The following AACS variants were observed in gnomAD, a reference collection of about 807,000 sequenced individuals.
The protein encoded by AACS is acetoacetate-CoA ligase.
Under a neutral mutation model 83.1 loss-of-function variants are expected in AACS, and 69 were observed. That is an observed-to-expected ratio of 0.83 (90% CI 0.68 to 1.01). The LOEUF (loss-of-function observed/expected upper bound fraction) is 1.01, where lower values mean the gene tolerates loss of function less well. Among genes scored for constraint, AACS ranks in the 50% least tolerant of loss-of-function variants. The probability of loss-of-function intolerance (pLI) is 0.00; values close to 1 mark genes in which losing one functional copy is unlikely to be tolerated. For missense variants in AACS, 866 were observed against 882.2 expected, an observed-to-expected ratio of 0.98 and a Z score of 0.23; for synonymous variants, 333 against 343.4, an observed-to-expected ratio of 0.97 and a Z score of 0.33.
chr12:125,071,121 G>C (rs1184680667), intron 1 of AACS, among the ~76,000 whole-genome samples: 2 of 152,228 alleles, frequency 1.3e-5, no homozygotes, highest in Admixed American at 1.3e-4. Flanking sequence ...TCACATGGCG[G>C]TAAGTTAGTG....
chr12:125,079,825 G>A (rs1289986389), intron 3 of AACS, among the ~76,000 whole-genome samples: 2 of 151,992 alleles, frequency 1.3e-5, no homozygotes, highest in East Asian at 3.9e-4. Flanking sequence ...TCCATTTTCC[G>A]AAAGGAAACC....
In AACS at chr12:125,124,968, G is replaced by T; in HGVS notation, c.1253G>T (p.Ser418Ile). 2 of 1,614,210 alleles carry T rather than the reference G, an allele frequency of 1.2e-6. No homozygotes were observed. Among genetic ancestry groups the T allele is most frequent in the Non-Finnish European group, 1.7e-6 (2 of 1,180,040 alleles). ...ACTGGCTCCCCACTGAAAGCCCAGAGCTACGAGTATGTCTACAGGTGCATC... is the reference window on the plus strand; with the variant it reads ...ACTGGCTCCCCACTGAAAGCCCAGATCTACGAGTATGTCTACAGGTGCATC... The part of the protein sequence containing the change: ...LSTGSPLKAQ[S>I]YEYVYRCIKS... Residue 418 changes from serine (S) to isoleucine (I), a missense_variant, in exon 12 of 18, where the codon AGC becomes ATC. Coordinates refer to ENST00000316519, the MANE Select transcript of AACS (RefSeq NM_023928.5).
At chr12:125,100,217 G>C (rs1408360633) in intron 5 of AACS, among the ~76,000 whole-genome samples, 2 of 152,176 alleles carry the variant, frequency 1.3e-5, no homozygotes, top group Admixed American at 1.3e-4. Flanking sequence ...GTCTCCCAAA[G>C]TGTTGGGATT....
intron 1 of AACS, among the ~76,000 whole-genome samples, chr12:125,068,660 C>T (rs1955771162): frequency 6.6e-6 from 1 of 152,036 alleles, no homozygotes; most frequent in Admixed American, 6.6e-5. Flanking sequence ...AGGTGATTTC[C>T]ACCTGACTCT....
At chr12:125,077,285 C>T (rs145523083) in intron 3 of AACS, among the ~76,000 whole-genome samples, 1,909 of 151,768 alleles carry the variant, frequency 0.013, 33 homozygotes, top group African/African-American at 0.041. Context: ...CCAAGGTGGG[C>T]GGATCACGAG....
intron 9 of AACS, chr12:125,118,288 G>A (rs1461054239): frequency 7.4e-6 from 2 of 269,898 alleles, no homozygotes; most frequent in African/African-American, 2.3e-5. Flanking sequence ...GTCAGGTGCT[G>A]TTCAGAACGC....
chr12:125,066,966 C>T (rs904255478), intron 1 of AACS, among the ~76,000 whole-genome samples: 2 of 152,226 alleles, frequency 1.3e-5, no homozygotes, highest in African/African-American at 4.8e-5. Context: ...CTCCTTTCCT[C>T]CTCACCAAAC....
chr12:125,100,427 A>G (rs1417582390), intron 5 of AACS, among the ~76,000 whole-genome samples: 1 of 152,198 alleles, frequency 6.6e-6, no homozygotes, highest in Non-Finnish European at 1.5e-5. Context: ...AACATTTGCA[A>G]TTGTTTTCCT....
At chr12:125,132,743 G>A (rs1168632788) in intron 14 of AACS, among the ~76,000 whole-genome samples, 2 of 152,168 alleles carry the variant, frequency 1.3e-5, no homozygotes, top group East Asian at 3.8e-4. Context: ...ATTCTCTTCA[G>A]CTGCCTCCCA....
At chr12:125,119,402 G>A (rs74684572) in intron 10 of AACS, among the ~76,000 whole-genome samples, 3 of 152,156 alleles carry the variant, frequency 2.0e-5, no homozygotes, top group African/African-American at 4.8e-5. Context: ...GAGTGAGATT[G>A]TATTCATCCA....
intron 1 of AACS, among the ~76,000 whole-genome samples, chr12:125,072,671 C>T (rs1955902116): frequency 6.6e-6 from 1 of 152,190 alleles, no homozygotes; most frequent in Non-Finnish European, 1.5e-5. Flanking sequence ...GGCCAATCCA[C>T]TTGGATCCTA....
intron 3 of AACS, 83 bp downstream of exon 3, chr12:125,076,694 A>C: frequency 6.4e-7 from 1 of 1,566,318 alleles, no homozygotes; most frequent in South Asian, 1.2e-5. Flanking sequence ...ATTTGGAGAG[A>C]TAGGATTTCT....
chr12:125,109,681 C>T (rs562811299), intron 8 of AACS, among the ~76,000 whole-genome samples: 7 of 152,290 alleles, frequency 4.6e-5, no homozygotes, highest in African/African-American at 9.6e-5. Flanking sequence ...ACAGTCAGGT[C>T]GCCAGTTCCC....
At chr12:125,108,183 T>G (rs1469637779) in intron 8 of AACS, among the ~76,000 whole-genome samples, 1 of 152,174 alleles carries the variant, frequency 6.6e-6, no homozygotes, top group Non-Finnish European at 1.5e-5. Context: ...AGAGTCTAAT[T>G]AACTGAGAAA....
At chr12:125,111,659 A>T (rs2136106712) in intron 8 of AACS, among the ~76,000 whole-genome samples, 1 of 152,218 alleles carries the variant, frequency 6.6e-6, no homozygotes, top group South Asian at 2.1e-4. Flanking sequence ...TTCCCAATTG[A>T]GTAGGGTGGG....
chr12:125,069,344 G>T (rs1955796108), intron 1 of AACS, among the ~76,000 whole-genome samples: 1 of 152,204 alleles, frequency 6.6e-6, no homozygotes, highest in African/African-American at 2.4e-5. Context: ...TCCCCACTCC[G>T]GCCGCCTCTC....
intron 3 of AACS, among the ~76,000 whole-genome samples, chr12:125,081,513 G>A (rs977054684): frequency 9.9e-5 from 15 of 152,134 alleles, no homozygotes; most frequent in African/African-American, 3.6e-4. Flanking sequence ...GGTGCTCACG[G>A]AGCTCTGCTC....
At chr12:125,079,781 G>T (rs1956123628) in intron 3 of AACS, among the ~76,000 whole-genome samples, 1 of 152,002 alleles carries the variant, frequency 6.6e-6, no homozygotes, top group South Asian at 2.1e-4. Context: ...TTTTCAAGAG[G>T]TTATGCAGCC....
At chr12:125,121,161 C>T (rs1957146679) in intron 10 of AACS, 1 of 152,302 alleles carries the variant, frequency 6.6e-6, no homozygotes, top group African/African-American at 2.4e-5. Context: ...CTGAGAGAGC[C>T]TCCTGCGCCG....
Sources: gnomAD v4.1 joint callset for allele counts (sites outside exome capture counted in the v4.1 genomes callset) on GRCh38, gnomAD v4.1.1 for gene constraint, MANE v1.5 for transcripts, NCBI Gene and HGNC (gene_info 2026-07-23, HGNC 2026-07-21) for gene names.